USP2: variants seen among roughly 807,000 people sequenced by gnomAD.
USP2 encodes the protein ubiquitin specific peptidase 2.
In USP2, 33 loss-of-function variants were observed where a neutral mutation model predicts 72.0. That is an observed-to-expected ratio of 0.46 (90% CI 0.35 to 0.61). The LOEUF is 0.61. Ranked by LOEUF, USP2 falls within the 20% of genes least tolerant of loss-of-function variation. USP2 has a pLI of 0.01. For synonymous variants in USP2, 296 were observed against 312.5 expected (o/e 0.95, Z 0.56); for missense variants, 691 against 797.8 (o/e 0.87, Z 1.61).
At chr11:119,377,689 G>C (rs768341992) in intron 1 of USP2, among the ~76,000 whole-genome samples, 8 of 152,116 alleles carry the variant, frequency 5.3e-5, no homozygotes, top group Non-Finnish European at 1.2e-4. Flanking sequence ...ACTCCTCAAG[G>C]TACCCATGCT....
chr11:119,364,147 C>T (rs1297915213), intron 2 of USP2: 93 of 1,214,476 alleles, frequency 7.7e-5, no homozygotes, highest in Non-Finnish European at 9.4e-5. Context: ...GCTCCTCCGC[C>T]TCAACCTCCC....
chr11:119,363,762 A>T, intron 2 of USP2: 2 of 1,092,608 alleles, frequency 1.8e-6, no homozygotes, highest in Non-Finnish European at 2.4e-6. Flanking sequence ...CCGTCCCCTC[A>T]CCTAGGGGCG....
At chr11:119,358,727 G>C in intron 7 of USP2, 46 bp downstream of exon 7, 1 of 1,605,230 alleles carries the variant, frequency 6.2e-7, no homozygotes, top group Non-Finnish European at 8.5e-7. Context: ...ACTCAGGCAA[G>C]AGCAGGCAAC....
At chr11:119,357,023 G>A in intron 12 of USP2, 101 bp from the exon 13 acceptor site, 2 of 1,421,852 alleles carry the variant, frequency 1.4e-6, no homozygotes, top group South Asian at 1.2e-5. Flanking sequence ...GCCTTTCAGG[G>A]AGCCTCCCCA....
chr11:119,370,276 C>G (rs1220906952), intron 2 of USP2, among the ~76,000 whole-genome samples: 1 of 152,220 alleles, frequency 6.6e-6, no homozygotes, highest in East Asian at 1.9e-4. Context: ...TGCCAAAGCA[C>G]CAGAAGGGTA....
At chr11:119,375,009 G>C in intron 1 of USP2, among the ~76,000 whole-genome samples, 1 of 152,190 alleles carries the variant, frequency 6.6e-6, no homozygotes, top group East Asian at 1.9e-4. Context: ...CAGCTACTGC[G>C]AGGCAGCATG....
At chr11:119,371,377 C>G (rs1950925038) in intron 2 of USP2, among the ~76,000 whole-genome samples, 1 of 152,164 alleles carries the variant, frequency 6.6e-6, no homozygotes, top group African/African-American at 2.4e-5. Flanking sequence ...ACCCTGAGAG[C>G]TGATACTTCC....
intron 1 of USP2, chr11:119,376,410 T>C (rs1386928988): frequency 2.0e-6 from 2 of 985,492 alleles, no homozygotes; most frequent in African/African-American, 3.5e-5. Context: ...GGCAAGCCAA[T>C]TGGCTGGGAT....
At chr11:119,365,975 AC>A (rs1361656848) in intron 2 of USP2, among the ~76,000 whole-genome samples, 1 of 151,364 alleles carries the variant, frequency 6.6e-6, no homozygotes, top group Non-Finnish European at 1.5e-5. Flanking sequence ...GCTCACTGCA[AC>A]CTCTGCCTCC....
At position 119,359,667 on chromosome 11, in the gene USP2, G is replaced by C; in HGVS notation, c.826-7C>G. 6.2e-7 allele frequency: 1 copy of C among 1,612,870 alleles called. No individual in the cohort carries two copies. The highest frequency in any genetic ancestry group is 1.1e-5 in the South Asian group (1 of 91,078). On this transcript the variant is annotated splice_region_variant and splice_polypyrimidine_tract_variant and intron_variant, in intron 3 of 12. Coordinates refer to ENST00000260187, the MANE Select transcript of USP2 (RefSeq NM_004205.5). The stretch of plus-strand genomic sequence containing the variant: ...GAATTGAGTTCATGAAGCACTGCAA[G>C]AGATGACCAGGCAATCAGTGGGGAG...
At chr11:119,378,182 C>T (rs987254171) in intron 1 of USP2, among the ~76,000 whole-genome samples, 1 of 152,054 alleles carries the variant, frequency 6.6e-6, no homozygotes, top group East Asian at 1.9e-4. Context: ...TGAGAGGGGG[C>T]CCTGTATCCT....
At chr11:119,376,961 C>A (rs1951010122) in intron 1 of USP2, among the ~76,000 whole-genome samples, 2 of 152,242 alleles carry the variant, frequency 1.3e-5, no homozygotes, top group African/African-American at 4.8e-5. Context: ...AACTTACACA[C>A]CTCTTTGGAC....
chr11:119,359,817 G>A (rs894786764), intron 3 of USP2, among the ~76,000 whole-genome samples, 157 bp from the exon 4 acceptor site: 2 of 152,170 alleles, frequency 1.3e-5, no homozygotes, highest in African/African-American at 4.8e-5. Flanking sequence ...AGTGAAAGGG[G>A]TGAAGTGAGG....
chr11:119,368,382 G>A (rs1950882635), intron 2 of USP2, among the ~76,000 whole-genome samples: 2 of 152,256 alleles, frequency 1.3e-5, no homozygotes, highest in Admixed American at 6.5e-5. Flanking sequence ...GCGAGAACAT[G>A]AGGGACGAGA....
At chr11:119,362,751 G>A (rs914821245) in intron 2 of USP2, among the ~76,000 whole-genome samples, 3 of 152,162 alleles carry the variant, frequency 2.0e-5, no homozygotes, top group African/African-American at 7.2e-5. Flanking sequence ...AACCTCTTTC[G>A]GTGAAAGCCA....
At position 119,373,316 on chromosome 11, in the gene USP2, G is replaced by A. The variant is rs1950959930; in HGVS notation, c.165C>T (p.Pro55=). The part of the protein sequence containing the change: ...EKEKLGFKPV[P]TSSFLTRPRT... ...GGGGACGGGTGAGGAAGCTGCTGGT[G>A]GGGACCGGCTTGAAACCAAGTTTCT... Residue 55 remains proline, a synonymous_variant, in exon 2 of 13, where the codon CCC becomes CCT. Coordinates refer to ENST00000260187, the MANE Select transcript of USP2 (RefSeq NM_004205.5). 6.2e-7 allele frequency: 1 copy of A among 1,613,614 alleles called. No homozygotes were observed. The highest frequency in any genetic ancestry group is 1.1e-5 in the South Asian group (1 of 91,088).
chr11:119,371,644 C>T (rs1591330797), intron 2 of USP2, among the ~76,000 whole-genome samples: 1 of 152,160 alleles, frequency 6.6e-6, no homozygotes, highest in African/African-American at 2.4e-5. Flanking sequence ...CTGGATCAGC[C>T]CTCCAAGCAG....
At chr11:119,375,980 G>A (rs1318203978) in intron 1 of USP2, among the ~76,000 whole-genome samples, 1 of 152,162 alleles carries the variant, frequency 6.6e-6, no homozygotes, top group Non-Finnish European at 1.5e-5. Flanking sequence ...CATCTGGCAG[G>A]TGATTGCCAG....
At chr11:119,379,014 C>G (rs1951032254) in intron 1 of USP2, 1 of 985,372 alleles carries the variant, frequency 1.0e-6, no homozygotes, top group African/African-American at 1.7e-5. Flanking sequence ...GACCTGTGTC[C>G]AGGGGCACTG....
Sources: allele counts gnomAD v4.1 joint callset (sites outside exome capture counted in the v4.1 genomes callset), GRCh38; gene constraint gnomAD v4.1.1; transcripts MANE v1.5; gene names NCBI Gene and HGNC (gene_info 2026-07-23, HGNC 2026-07-21).